The following IQGAP2 variants were observed in gnomAD, a reference collection of about 807,000 sequenced individuals.
The protein encoded by IQGAP2 is IQ motif containing GTPase activating protein 2.
Under a neutral mutation model 201.3 loss-of-function variants are expected in IQGAP2, and 173 were observed. That is an observed-to-expected ratio of 0.86 (90% CI 0.76 to 0.98). The LOEUF is 0.98. Ranked by LOEUF, IQGAP2 falls within the 50% of genes least tolerant of loss-of-function variation. The probability of loss-of-function intolerance (pLI) is 0.00; values close to 1 mark genes in which losing one functional copy is unlikely to be tolerated. For missense variants in IQGAP2, 1,687 were observed against 1,864.8 expected (o/e 0.90, Z 1.76); for synonymous variants, 675 against 673.9 (o/e 1.00, Z -0.03).
intron 2 of IQGAP2, among the ~76,000 whole-genome samples, chr5:76,561,726 A>T (rs914347595): frequency 4.6e-5 from 7 of 152,146 alleles, no homozygotes; most frequent in Non-Finnish European, 8.8e-5. Flanking sequence ...TCTCTTTTCT[A>T]CAATACTGGC....
chr5:76,595,990 TG>T (rs1311556435), intron 9 of IQGAP2, among the ~76,000 whole-genome samples: 1 of 152,212 alleles, frequency 6.6e-6, no homozygotes, highest in Non-Finnish European at 1.5e-5. Context: ...TGAAATTTTT[TG>T]GTTTGTCACA....
intron 8 of IQGAP2, among the ~76,000 whole-genome samples, chr5:76,591,234 A>G (rs1746626955): frequency 6.6e-6 from 1 of 152,250 alleles, no homozygotes; most frequent in African/African-American, 2.4e-5. Context: ...AACAGACCTT[A>G]CATTAGCCAA....
intron 2 of IQGAP2, among the ~76,000 whole-genome samples, chr5:76,540,933 C>A (rs901087001): frequency 6.6e-6 from 1 of 152,162 alleles, no homozygotes; most frequent in Non-Finnish European, 1.5e-5. Context: ...GTATTGATTG[C>A]AGAAAAAGCC....
intron 2 of IQGAP2, among the ~76,000 whole-genome samples, chr5:76,537,389 C>T (rs1205723120): frequency 1.3e-5 from 2 of 152,056 alleles, no homozygotes; most frequent in African/African-American, 4.8e-5. Context: ...CAGAGGGACC[C>T]ACAAGGCCAA....
At chr5:76,602,959 G>A in intron 11 of IQGAP2, among the ~76,000 whole-genome samples, 1 of 152,156 alleles carries the variant, frequency 6.6e-6, no homozygotes, top group Admixed American at 6.5e-5. Context: ...CAAAAGTATT[G>A]TATGGGTTAA....
chr5:76,675,345 C>T (rs1011634169), intron 27 of IQGAP2, among the ~76,000 whole-genome samples: 2 of 152,120 alleles, frequency 1.3e-5, no homozygotes, highest in Non-Finnish European at 2.9e-5. Flanking sequence ...ATCCCCCAAA[C>T]ATACCAAGGA....
chr5:76,435,303 G>T (rs1048503902), intron 1 of IQGAP2, among the ~76,000 whole-genome samples: 3 of 151,958 alleles, frequency 2.0e-5, no homozygotes, highest in Non-Finnish European at 4.4e-5. Flanking sequence ...TTTTTCCTGG[G>T]TTTTCTCCTA....
chr5:76,609,905 A>G (rs903376925), intron 12 of IQGAP2, among the ~76,000 whole-genome samples: 5 of 149,448 alleles, frequency 3.3e-5, no homozygotes, highest in Non-Finnish European at 7.4e-5. Context: ...TTTTTTATGA[A>G]TGGATGATAG....
intron 2 of IQGAP2, among the ~76,000 whole-genome samples, chr5:76,510,241 C>T (rs1757881593): frequency 6.6e-6 from 1 of 152,266 alleles, no homozygotes; most frequent in Non-Finnish European, 1.5e-5. Context: ...CTCAGATGAT[C>T]CACCCGCCTC....
intron 3 of IQGAP2, among the ~76,000 whole-genome samples, chr5:76,563,574 G>A (rs907511065): frequency 6.6e-6 from 1 of 152,048 alleles, no homozygotes; most frequent in Non-Finnish European, 1.5e-5. Context: ...AAAAGCAAAC[G>A]CCAACCTAAA....
At position 76,673,564 on chromosome 5, in the gene IQGAP2, A is replaced by G. The variant is rs139792880; in HGVS notation, c.3184A>G (p.Ile1062Val). 2.7e-5 allele frequency: 44 copies of G among 1,613,880 alleles called. No homozygotes were observed. The African/African-American group carries it at 5.2e-4, about 19-fold the overall frequency. The change falls in exon 25 of 36, where the codon ATC (isoleucine) becomes GTC (valine). Residue 1062 changes from isoleucine (I) to valine (V), a missense_variant. Transcript: ENST00000274364. ...GGTCACCGACAAAGTCCTGAATTCT[A>G]TCATTTCTTCCCTTGATCTACTGCC... ...RRVTDKVLNS[I>V]ISSLDLLPYG...
chr5:76,606,136 T>G (rs1196289365), intron 11 of IQGAP2, 43 bp from the exon 12 acceptor site: 3 of 1,534,186 alleles, frequency 2.0e-6, no homozygotes, highest in Non-Finnish European at 2.6e-6. Context: ...GAACGAAGAA[T>G]GAATGTCTCT....
chr5:76,572,709 A>T (rs1290396927), intron 4 of IQGAP2, among the ~76,000 whole-genome samples: 2 of 152,046 alleles, frequency 1.3e-5, no homozygotes. Context: ...AAGTGCTGGG[A>T]TTACAGGCAT....
chr5:76,463,078 G>C (rs1191133164), intron 2 of IQGAP2, among the ~76,000 whole-genome samples: 1 of 148,886 alleles, frequency 6.7e-6, no homozygotes, highest in East Asian at 2.0e-4. Context: ...AGCTGAGATC[G>C]GGCTGCTGCA....
chr5:76,643,612 G>A (rs138341812), intron 17 of IQGAP2, among the ~76,000 whole-genome samples: 2 of 152,264 alleles, frequency 1.3e-5, no homozygotes, highest in African/African-American at 4.8e-5. Context: ...AGAAAAAAAT[G>A]AAATAGGATT....
At chr5:76,640,171 T>C (rs1311568066) in intron 16 of IQGAP2, among the ~76,000 whole-genome samples, 1 of 152,216 alleles carries the variant, frequency 6.6e-6, no homozygotes, top group Non-Finnish European at 1.5e-5. Flanking sequence ...ATATGTCTTC[T>C]CTTAAAGATA....
chr5:76,610,112 ATATTTTTTTTTTT>A (rs1748233940), intron 12 of IQGAP2, among the ~76,000 whole-genome samples: 2 of 12,060 alleles, frequency 1.7e-4, no homozygotes, highest in African/African-American at 6.1e-4. Flanking sequence ...ATATATATAT[ATATTTTTTTTTTT>A]TTTTTTTTTT....
chr5:76,648,050 C>T lies in IQGAP2; in HGVS notation c.2095-4700C>T, dbSNP rs145771948. Among the ~76,000 whole-genome samples the T allele has an allele frequency of 4.0e-3, 616 of 152,206 alleles. 3 individuals carry two copies. The highest frequency in any genetic ancestry group is 0.014 in the African/African-American group (585 of 41,552). On this transcript the variant is annotated intron_variant, in intron 17 of 35. Coordinates refer to ENST00000274364, the MANE Select transcript of IQGAP2 (RefSeq NM_006633.5). Reference sequence around the variant, plus strand: ...CCAAGGCAGAGAGGCAGGACCTTCACACCATCCAGTTGTAATGAGGTCTTT... The same window carrying T: ...CCAAGGCAGAGAGGCAGGACCTTCATACCATCCAGTTGTAATGAGGTCTTT...
At chr5:76,690,191 G>C (rs1174481086) in intron 30 of IQGAP2, among the ~76,000 whole-genome samples, 1 of 152,190 alleles carries the variant, frequency 6.6e-6, no homozygotes, top group Non-Finnish European at 1.5e-5. Context: ...TTGGACTGGG[G>C]TGGGAAGGGG....
Sources: allele counts gnomAD v4.1 joint callset (sites outside exome capture counted in the v4.1 genomes callset), GRCh38; gene constraint gnomAD v4.1.1; transcripts MANE v1.5; gene names NCBI Gene and HGNC (gene_info 2026-07-23, HGNC 2026-07-21).